The following MSL2 variants were observed in gnomAD, a reference collection of about 807,000 sequenced individuals.
The protein encoded by MSL2 is E3 ubiquitin-protein ligase MSL2.
In MSL2, 2 loss-of-function variants were observed where a neutral mutation model predicts 35.8. The observed-to-expected ratio is 0.06, with a 90% CI of 0.02 to 0.18. MSL2 has a LOEUF of 0.18. Ranked by LOEUF, MSL2 falls within the 10% of genes least tolerant of loss-of-function variation. The pLI is 1.00. For synonymous variants in MSL2, 296 were observed against 255.7 expected, an observed-to-expected ratio of 1.16 and a Z score of -1.50; for missense variants, 523 against 706.7, an observed-to-expected ratio of 0.74 and a Z score of 2.95.
rs1287114325 is a variant in MSL2, at chr3:136,195,179, C to A, written c.-66G>T. On this transcript the variant is annotated 5_prime_UTR_variant, in exon 1 of 2. Coordinates refer to ENST00000309993, the MANE Select transcript of MSL2 (RefSeq NM_018133.4). The stretch of plus-strand genomic sequence containing the variant: ...ATTCCGGATCCAACTTAGTAAGCAG[C>A]CAGGGAACGATGGCGAATTTGCAAC... 1 of 1,552,090 alleles carries A rather than the reference C, an allele frequency of 6.4e-7. No homozygotes were observed. Among genetic ancestry groups the A allele is most frequent in the African/African-American group, 1.4e-5 (1 of 71,860 alleles).
chr3:136,169,250 G>GGGGT lies in MSL2; in HGVS notation c.143-16513_143-16512insACCC, dbSNP rs1559963929. On this transcript the variant is annotated intron_variant, in intron 1 of 1. Transcript: ENST00000309993. ...TTTTGGCGGGGGGGGGGGGGGGGGG[G>GGGGT]GGTGCTTATTTTTTAAATGGTTACG... is the stretch of plus-strand genomic sequence containing the variant. Among the ~76,000 whole-genome samples the GGGGT allele has an allele frequency of 2.9e-4, 5 of 17,130 alleles. 1 individual carries two copies. The highest frequency in any genetic ancestry group is 4.1e-4 in the Non-Finnish European group (3 of 7,322). 11.2% of individuals were successfully genotyped at this position (17,130 alleles called of 152,430 possible).
chr3:136,154,078 C>T (rs1351839921), intron 1 of MSL2, among the ~76,000 whole-genome samples: 3 of 148,478 alleles, frequency 2.0e-5, no homozygotes, highest in South Asian at 2.1e-4. Context: ...AGCAAAACTC[C>T]GTCTCATTTA....
In MSL2 at chr3:136,189,135, A is replaced by AAAC. The variant is rs746820441; in HGVS notation, c.142+5836_142+5837insGTT. 3.6e-3 allele frequency among the ~76,000 whole-genome samples: 436 copies of AAAC among 121,570 alleles called. 26 individuals are homozygous for AAAC. The highest frequency in any genetic ancestry group is 7.6e-3 in the African/African-American group (193 of 25,266). The allele number at this position is 121,570 out of a possible 152,430, so 79.8% of individuals were successfully genotyped here. A position where few individuals can be genotyped will look rare whatever the true frequency, so the allele number is the denominator to read the frequency against. ...AAAAAAAAAAAAAAAAAAAAAAAAA[A>AAAC]ACACACACACAAAAATAAGGCGAGC... is the stretch of plus-strand genomic sequence containing the variant. On this transcript the variant is annotated intron_variant, in intron 1 of 1. Transcript: ENST00000309993.
chr3:136,188,553 C>T (rs1412842457), intron 1 of MSL2, among the ~76,000 whole-genome samples: 1 of 151,968 alleles, frequency 6.6e-6, no homozygotes, highest in Non-Finnish European at 1.5e-5. Flanking sequence ...AATTCAAGAC[C>T]AGCCTGGACA....
chr3:136,187,047 G>A (rs1329734250), intron 1 of MSL2, among the ~76,000 whole-genome samples: 1 of 152,118 alleles, frequency 6.6e-6, no homozygotes, highest in Non-Finnish European at 1.5e-5. Flanking sequence ...AAATATTTTA[G>A]ATCCAAGGTT....
At chr3:136,158,917 C>G (rs761853476) in intron 1 of MSL2, among the ~76,000 whole-genome samples, 1 of 152,170 alleles carries the variant, frequency 6.6e-6, no homozygotes, top group Non-Finnish European at 1.5e-5. Flanking sequence ...GACTTCTACA[C>G]TCAGCACTAC....
chr3:136,187,400 C>T (rs1192111183), intron 1 of MSL2, among the ~76,000 whole-genome samples: 1 of 152,080 alleles, frequency 6.6e-6, no homozygotes, highest in South Asian at 2.1e-4. Flanking sequence ...CAGTGGCTCA[C>T]GCCTGTAATC....
At chr3:136,191,369 G>A (rs1302119833) in intron 1 of MSL2, among the ~76,000 whole-genome samples, 1 of 151,714 alleles carries the variant, frequency 6.6e-6, no homozygotes, top group Non-Finnish European at 1.5e-5. Flanking sequence ...TCGGGAAGCT[G>A]AGGCAGGAGA....
At chr3:136,174,417 CACAGAG>C (rs1940110942) in intron 1 of MSL2, among the ~76,000 whole-genome samples, 1 of 152,148 alleles carries the variant, frequency 6.6e-6, no homozygotes, top group African/African-American at 2.4e-5. Context: ...CCATGGCATA[CACAGAG>C]ACAATTTTAG....
intron 1 of MSL2, among the ~76,000 whole-genome samples, chr3:136,173,626 A>G (rs1160872984): frequency 6.6e-6 from 1 of 152,028 alleles, no homozygotes; most frequent in Non-Finnish European, 1.5e-5. Flanking sequence ...AACCTTCATC[A>G]TTGTTCACCC....
At chr3:136,172,585 C>G (rs926461416) in intron 1 of MSL2, among the ~76,000 whole-genome samples, 1 of 152,148 alleles carries the variant, frequency 6.6e-6, no homozygotes, top group Non-Finnish European at 1.5e-5. Context: ...CCTCCTTTCT[C>G]CCCTAACACT....
chr3:136,162,443 G>A (rs1576360137), intron 1 of MSL2, among the ~76,000 whole-genome samples: 1 of 151,888 alleles, frequency 6.6e-6, no homozygotes, highest in African/African-American at 2.4e-5. Context: ...ATTAGCCATG[G>A]ACGCTGGCAC....
In MSL2 at chr3:136,151,125, T is replaced by C. The variant is rs781131902; in HGVS notation, c.*22A>G. The C allele has an allele frequency of 1.9e-6, 3 of 1,596,486 alleles. No homozygotes were observed. Among genetic ancestry groups the C allele is most frequent in the Admixed American group, 3.4e-5 (2 of 59,436 alleles). On this transcript the variant is annotated 3_prime_UTR_variant, in exon 2 of 2. Transcript: ENST00000309993. This position sits in a 1 kb window ranked among gnomAD's most constrained non-coding sequence, Gnocchi z 5.2. ...ACTGTAGCTATTTCCCTACCAGGAG[T>C]AGGTTTAAAAGACCCACTGATTTAA...
chr3:136,157,086 T>G (rs1214405301), intron 1 of MSL2, among the ~76,000 whole-genome samples: 1 of 152,192 alleles, frequency 6.6e-6, no homozygotes, highest in East Asian at 1.9e-4. Context: ...ACCAAAGCTT[T>G]CTTTCACCTT....
At chr3:136,166,091 T>G (rs1939841222) in intron 1 of MSL2, among the ~76,000 whole-genome samples, 1 of 133,572 alleles carries the variant, frequency 7.5e-6, no homozygotes, top group Admixed American at 7.4e-5. Flanking sequence ...AAAAAAAGAT[T>G]CAGGAGAAAA....
chr3:136,170,809 T>C (rs13065565), intron 1 of MSL2, among the ~76,000 whole-genome samples: 9,339 of 152,194 alleles, frequency 0.061, 357 homozygotes, highest in Middle Eastern at 0.11. Flanking sequence ...AGCCTGTCCA[T>C]ATTTTTAAAT....
intron 1 of MSL2, among the ~76,000 whole-genome samples, chr3:136,177,433 G>C (rs1442250646): frequency 6.6e-6 from 1 of 152,166 alleles, no homozygotes; most frequent in African/African-American, 2.4e-5. Context: ...CCAGCACCCT[G>C]GGAGGCTGAG....
chr3:136,177,018 C>T (rs1442980060), intron 1 of MSL2, among the ~76,000 whole-genome samples: 1 of 152,170 alleles, frequency 6.6e-6, no homozygotes, highest in African/African-American at 2.4e-5. Context: ...TGTGAGGCTT[C>T]CTAGCCCAAG....
intron 1 of MSL2, among the ~76,000 whole-genome samples, chr3:136,184,123 G>A (rs947722806): frequency 2.0e-5 from 3 of 151,860 alleles, no homozygotes; most frequent in African/African-American, 4.8e-5. Context: ...GTGAAACCCC[G>A]TCTCTACTAA....
Sources: allele counts gnomAD v4.1 joint callset (sites outside exome capture counted in the v4.1 genomes callset), GRCh38; gene constraint gnomAD v4.1.1; non-coding constraint Gnocchi (gnomAD v3.1); transcripts MANE v1.5; gene names NCBI Gene and HGNC (gene_info 2026-07-23, HGNC 2026-07-21).